Variants in SIL1 observed in about 807,000 individuals in gnomAD.
The protein encoded by SIL1 is SIL1 nucleotide exchange factor.
Under a neutral mutation model 49.1 loss-of-function variants are expected in SIL1, and 40 were observed. The observed-to-expected ratio is 0.81, with a 90% CI of 0.63 to 1.06. The LOEUF is 1.06. SIL1 is among the 50% of genes least tolerant of loss of function. The pLI, the probability that SIL1 is intolerant of heterozygous loss-of-function variation, is 0.00. For missense variants in SIL1, 500 were observed against 572.6 expected (o/e 0.87, Z 1.29); for synonymous variants, 253 against 250.8 (o/e 1.01, Z -0.08).
chr5:139,156,074 C>G (rs2151808374), intron 1 of SIL1, among the ~76,000 whole-genome samples: 1 of 152,228 alleles, frequency 6.6e-6, no homozygotes, highest in South Asian at 2.1e-4. Flanking sequence ...AGGTCAAACT[C>G]TTAAGGAACT....
Position 139,123,801 on chromosome 5 carries a change from G to T in SIL1, c.106-2628C>A, listed in dbSNP as rs145284953. On this transcript the variant is annotated intron_variant, in intron 2 of 9. Transcript: ENST00000394817. The stretch of plus-strand genomic sequence containing the variant: ...TACTCCGCTGGTCTACCACTGTCAC[G>T]CAGGCATTCAACTTGAAAACAGAAA... Among the ~76,000 whole-genome samples the T allele has an allele frequency of 3.3e-3, 503 of 152,308 alleles. 6 individuals are homozygous for T. The highest frequency in any genetic ancestry group is 0.011 in the African/African-American group (466 of 41,574).
chr5:139,049,407 C>T (rs904857291), intron 4 of SIL1, among the ~76,000 whole-genome samples: 19 of 152,184 alleles, frequency 1.2e-4, no homozygotes, highest in Admixed American at 2.0e-4. Context: ...GAACTGCTGA[C>T]CTTAGGTGAT....
intron 1 of SIL1, among the ~76,000 whole-genome samples, chr5:139,168,563 G>T (rs13185877): frequency 0.45 from 67,732 of 151,874 alleles, 15,902 homozygotes; most frequent in South Asian, 0.54. Context: ...CTCCCAGCCC[G>T]GTTGCAAGCC....
At chr5:139,079,906 T>G (rs1770035797) in intron 3 of SIL1, among the ~76,000 whole-genome samples, 1 of 152,188 alleles carries the variant, frequency 6.6e-6, no homozygotes, top group South Asian at 2.1e-4. Flanking sequence ...AAGTCCAACT[T>G]TAGAAAACCA....
intron 3 of SIL1, among the ~76,000 whole-genome samples, chr5:139,089,507 G>A (rs538545921): frequency 1.7e-3 from 254 of 149,668 alleles, no homozygotes; most frequent in African/African-American, 5.9e-3. Flanking sequence ...TCTCTCATCA[G>A]CATTTATAAA....
intron 3 of SIL1, among the ~76,000 whole-genome samples, chr5:139,085,719 C>A (rs1275273413): frequency 6.6e-6 from 1 of 152,040 alleles, no homozygotes; most frequent in South Asian, 2.1e-4. Flanking sequence ...ATGAATGGGA[C>A]AGGCAAATAT....
rs572353427 is a variant in SIL1, at chr5:138,947,541, G to C, written c.1030-68C>G. 4 of 1,396,422 alleles carry C rather than the reference G, an allele frequency of 2.9e-6. No homozygotes were observed. The Admixed American group carries it at 6.7e-5, about 23-fold the overall frequency. 86.5% of individuals were successfully genotyped at this position (1,396,422 alleles called of 1,614,324 possible). A position where few individuals can be genotyped will look rare whatever the true frequency, so the allele number is the denominator to read the frequency against. ...GGAGAGAACACACAGGGAGCAGTTA[G>C]CTCACACCTGGCTAGCTCTGCCCTT... On this transcript the variant is annotated intron_variant, in intron 9 of 9. Coordinates refer to ENST00000394817, the MANE Select transcript of SIL1 (RefSeq NM_022464.5). This position sits in a 1 kb window ranked among gnomAD's most constrained non-coding sequence, Gnocchi z 4.1.
chr5:139,065,070 T>C (rs1187087472), intron 3 of SIL1, among the ~76,000 whole-genome samples: 1 of 152,198 alleles, frequency 6.6e-6, no homozygotes, highest in East Asian at 1.9e-4. Flanking sequence ...AATACATACT[T>C]GATTGAGTTC....
intron 3 of SIL1, among the ~76,000 whole-genome samples, chr5:139,072,039 A>G (rs897135927): frequency 6.6e-6 from 1 of 152,212 alleles, no homozygotes; most frequent in Non-Finnish European, 1.5e-5. Flanking sequence ...GAAAAAATAC[A>G]TAATTCCTTT....
Position 139,023,224 on chromosome 5 carries a change from G to T in SIL1, c.646-1932C>A, listed in dbSNP as rs545341347. On this transcript the variant is annotated intron_variant, in intron 6 of 9. Coordinates refer to ENST00000394817, the MANE Select transcript of SIL1 (RefSeq NM_022464.5). Reference sequence around the variant, plus strand: ...TTCTGCCCAGTGCACATCAAAAGCTGGGCCCCCCCCTGGTGACATACAGGA... The same window carrying T: ...TTCTGCCCAGTGCACATCAAAAGCTTGGCCCCCCCCTGGTGACATACAGGA... Among the ~76,000 whole-genome samples the T allele has an allele frequency of 3.9e-5, 6 of 152,266 alleles. No individual in the cohort carries two copies. The East Asian group carries it at 1.2e-3, about 29-fold the overall frequency.
intron 7 of SIL1, among the ~76,000 whole-genome samples, chr5:138,954,148 C>T (rs1766848541): frequency 6.6e-6 from 1 of 152,220 alleles, no homozygotes; most frequent in East Asian, 1.9e-4. Context: ...CCCACTCTGT[C>T]CCCCTCAGGC....
At chr5:139,177,107 T>C (rs1751900823) in intron 1 of SIL1, among the ~76,000 whole-genome samples, 1 of 151,914 alleles carries the variant, frequency 6.6e-6, no homozygotes, top group Non-Finnish European at 1.5e-5. Flanking sequence ...TAATTTTTTG[T>C]ATTTTTAGTA....
At chr5:139,051,276 G>T in intron 3 of SIL1, 1 of 560,270 alleles carries the variant, frequency 1.8e-6, no homozygotes, top group East Asian at 3.2e-5. Flanking sequence ...ATGGGCAAGA[G>T]GATTCACACT....
chr5:139,019,898 T>C (rs1476075218), intron 7 of SIL1, among the ~76,000 whole-genome samples: 1 of 150,896 alleles, frequency 6.6e-6, no homozygotes, highest in Non-Finnish European at 1.5e-5. Flanking sequence ...AAGTAAAAAG[T>C]GAGCTTTAGT....
At chr5:139,143,355 A>ATC (rs1751130635) in intron 1 of SIL1, among the ~76,000 whole-genome samples, 1 of 146,324 alleles carries the variant, frequency 6.8e-6, no homozygotes. Flanking sequence ...ATATATATAT[A>ATC]TATATATATA....
chr5:139,056,844 A>G (rs1238234167), intron 3 of SIL1, among the ~76,000 whole-genome samples: 446 of 152,018 alleles, frequency 2.9e-3, no homozygotes, highest in African/African-American at 9.0e-3. Context: ...AGAACGGGCC[A>G]TGATGACAAT....
At chr5:139,185,723 G>A (rs1270246851) in intron 1 of SIL1, among the ~76,000 whole-genome samples, 3 of 152,172 alleles carry the variant, frequency 2.0e-5, no homozygotes, top group African/African-American at 4.8e-5. Flanking sequence ...TAGTCTGCCC[G>A]AGATATCCCA....
At chr5:138,970,027 C>T (rs1322124831) in intron 7 of SIL1, among the ~76,000 whole-genome samples, 1 of 152,250 alleles carries the variant, frequency 6.6e-6, no homozygotes, top group Non-Finnish European at 1.5e-5. Context: ...AGTATGGCCT[C>T]TTGTCTGCAT....
rs76376157 is a variant in SIL1, at chr5:139,116,208, C to T, written c.244+4827G>A. On this transcript the variant is annotated intron_variant, in intron 3 of 9. Coordinates refer to ENST00000394817, the MANE Select transcript of SIL1 (RefSeq NM_022464.5). ...AAATGAGGTTTTTAAAATTCAATTC[C>T]CTCTTATTGCTCGTGCAGATCTGAA... Among the ~76,000 whole-genome samples the T allele has an allele frequency of 5.2e-3, 795 of 152,304 alleles. 5 individuals are homozygous for T. Among genetic ancestry groups the T allele is most frequent in the Non-Finnish European group, 7.4e-3 (506 of 68,034 alleles).
Sources: gnomAD v4.1 joint callset for allele counts (sites outside exome capture counted in the v4.1 genomes callset) on GRCh38, gnomAD v4.1.1 for gene constraint, Gnocchi (gnomAD v3.1) non-coding constraint, MANE v1.5 for transcripts, NCBI Gene and HGNC (gene_info 2026-07-23, HGNC 2026-07-21) for gene names.